The following SVEP1 variants were observed in gnomAD, a reference collection of about 807,000 sequenced individuals.
The protein encoded by SVEP1 is sushi, von Willebrand factor type A, EGF and pentraxin domain containing 1.
SVEP1 carries 164 observed loss-of-function variants against 367.3 expected under a neutral mutation model. The observed-to-expected ratio is 0.45, with a 90% CI of 0.39 to 0.51. The LOEUF (loss-of-function observed/expected upper bound fraction) is 0.51. Among genes scored for constraint, SVEP1 ranks in the 20% least tolerant of loss-of-function variants. The pLI, the probability that SVEP1 is intolerant of heterozygous loss-of-function variation, is 0.00. For missense variants in SVEP1, 4,117 were observed against 4,425.3 expected (o/e 0.93, Z 1.98); for synonymous variants, 1,666 against 1,611.6 (o/e 1.03, Z -0.81).
rs774039811 is a variant in SVEP1, at chr9:110,427,637, T to G, written c.5929A>C (p.Asn1977His). Reference protein sequence around the residue: ...PAIKDAVITGNNFTFRNTVTY... With the variant: ...PAIKDAVITGHNFTFRNTVTY... ...ACGGTGTTCCTGAAAGTGAAGTTAT[T>G]CCCCGTAATGACAGCATCTTTGATG... Residue 1977 changes from asparagine (N) to histidine (H), a missense_variant, in exon 36 of 48, where the codon AAT (asparagine) becomes CAT (histidine). This residue lies in a region of SVEP1 where 2,174 missense variants were observed against 2,494.3 expected (regional missense o/e 0.87). Transcript: ENST00000374469. The G allele has an allele frequency of 1.5e-5, 24 of 1,613,772 alleles. No homozygotes were observed. The highest frequency in any genetic ancestry group is 1.9e-5 in the Non-Finnish European group (23 of 1,179,854).
intron 36 of SVEP1, among the ~76,000 whole-genome samples, chr9:110,414,667 A>G (rs1479724957): frequency 6.6e-6 from 1 of 152,018 alleles, no homozygotes; most frequent in East Asian, 1.9e-4. Flanking sequence ...CAATGATTTG[A>G]TTGACACACT....
intron 1 of SVEP1, among the ~76,000 whole-genome samples, chr9:110,572,721 G>C (rs1047269121): frequency 6.9e-6 from 1 of 145,448 alleles, no homozygotes; most frequent in Non-Finnish European, 1.5e-5. Flanking sequence ...ATTTAGTCAG[G>C]TGTGACGCCG....
At chr9:110,383,868 G>A (rs1353017541) in intron 43 of SVEP1, among the ~76,000 whole-genome samples, 1 of 152,150 alleles carries the variant, frequency 6.6e-6, no homozygotes, top group Non-Finnish European at 1.5e-5. Flanking sequence ...CCAGCCTAAA[G>A]AGGCAGTCTG....
At chr9:110,499,324 T>C in intron 6 of SVEP1, 86 bp from the exon 7 acceptor site, 1 of 1,226,458 alleles carries the variant, frequency 8.2e-7, no homozygotes, top group Non-Finnish European at 1.1e-6. Context: ...AAAAATACAA[T>C]TATGCTGCCT....
At chr9:110,414,508 TTA>T (rs1828089397) in intron 36 of SVEP1, among the ~76,000 whole-genome samples, 1 of 152,026 alleles carries the variant, frequency 6.6e-6, no homozygotes, top group Non-Finnish European at 1.5e-5. Context: ...AGATCTGAAC[TTA>T]GCTTGGAATA....
intron 32 of SVEP1, among the ~76,000 whole-genome samples, chr9:110,430,906 T>C (rs1828341173): frequency 6.6e-6 from 1 of 152,136 alleles, no homozygotes; most frequent in South Asian, 2.1e-4. Context: ...GCTCTCCCTA[T>C]CTACAGATTC....
In SVEP1 at chr9:110,459,031, T is replaced by C; in HGVS notation, c.3405A>G (p.Ala1135=). The change falls in exon 19 of 48, where the codon GCA becomes GCG. Residue 1135 remains alanine, a synonymous_variant. Coordinates refer to ENST00000374469, the MANE Select transcript of SVEP1 (RefSeq NM_153366.4). The part of the protein sequence containing the change: ...PCPRDYYQPN[A]GKAFCLACPF... ...GACAGGCCAGGCAGAAGGCCTTCCCTGCATTAGGTTGGTAATAGTCACGAG... is the reference window on the plus strand; with the variant it reads ...GACAGGCCAGGCAGAAGGCCTTCCCCGCATTAGGTTGGTAATAGTCACGAG... 1 of 1,613,852 alleles carries C rather than the reference T, an allele frequency of 6.2e-7. No individual in the cohort carries two copies. Among genetic ancestry groups the C allele is most frequent in the South Asian group, 1.1e-5 (1 of 91,084 alleles).
At chr9:110,392,864 T>G (rs1827685806) in intron 40 of SVEP1, among the ~76,000 whole-genome samples, 1 of 152,226 alleles carries the variant, frequency 6.6e-6, no homozygotes, top group South Asian at 2.1e-4. Context: ...CCTTGTCCAG[T>G]GGCTTCTGAA....
At chr9:110,513,843 G>T in intron 4 of SVEP1, 105 bp downstream of exon 4, 1 of 1,312,412 alleles carries the variant, frequency 7.6e-7, no homozygotes, top group Non-Finnish European at 1.0e-6. Context: ...TTAGAGAAAA[G>T]AACATTAAAG....
At chr9:110,430,531 T>C (rs930946126) in intron 32 of SVEP1, 81 bp from the exon 33 acceptor site, 1 of 1,418,940 alleles carries the variant, frequency 7.0e-7, no homozygotes, top group Admixed American at 2.6e-5. Context: ...AATTCCACTA[T>C]AGTTAAGAAA....
chr9:110,459,975 G>A (rs1044547411), intron 18 of SVEP1, among the ~76,000 whole-genome samples: 1 of 151,744 alleles, frequency 6.6e-6, no homozygotes, highest in Non-Finnish European at 1.5e-5. Context: ...AATTATTTTT[G>A]CCAGTTTGTG....
chr9:110,534,236 G>T (rs922387049), intron 3 of SVEP1, among the ~76,000 whole-genome samples: 1 of 151,966 alleles, frequency 6.6e-6, no homozygotes, highest in Non-Finnish European at 1.5e-5. Context: ...TCTTCATGAC[G>T]TCTCATCATT....
intron 8 of SVEP1, among the ~76,000 whole-genome samples, chr9:110,494,694 CTTTT>C (rs1391837083): frequency 6.6e-6 from 1 of 152,088 alleles, no homozygotes; most frequent in Non-Finnish European, 1.5e-5. Context: ...TGAGTTCTTT[CTTTT>C]TATTCTTTCT....
At chr9:110,388,653 C>G (rs746539594) in intron 41 of SVEP1, among the ~76,000 whole-genome samples, 3 of 152,058 alleles carry the variant, frequency 2.0e-5, no homozygotes, top group Non-Finnish European at 4.4e-5. Context: ...CACTTTGAAA[C>G]CACATAGGGA....
intron 25 of SVEP1, 118 bp downstream of exon 25, chr9:110,446,782 A>C: frequency 1.2e-6 from 1 of 830,928 alleles, no homozygotes; most frequent in Non-Finnish European, 1.7e-6. Context: ...AAATGAGTAC[A>C]AAGTGCTTGG....
chr9:110,427,066 G>A (rs925642167), intron 36 of SVEP1, among the ~76,000 whole-genome samples: 2 of 152,050 alleles, frequency 1.3e-5, no homozygotes, highest in Non-Finnish European at 2.9e-5. Flanking sequence ...CTCAGGCTGA[G>A]GCAAGTGGAT....
chr9:110,388,825 CG>C (rs1476363627), intron 41 of SVEP1, among the ~76,000 whole-genome samples: 1 of 151,718 alleles, frequency 6.6e-6, no homozygotes, highest in Non-Finnish European at 1.5e-5. Context: ...AAAAATTACC[CG>C]GGCATGGTGG....
intron 2 of SVEP1, among the ~76,000 whole-genome samples, chr9:110,549,430 G>A (rs7035502): frequency 0.58 from 87,543 of 151,772 alleles, 26,196 homozygotes; most frequent in African/African-American, 0.75. Context: ...TATTGTTCCT[G>A]TATCTTCATG....
intron 1 of SVEP1, among the ~76,000 whole-genome samples, chr9:110,572,561 C>T (rs1830576726): frequency 6.6e-6 from 1 of 152,054 alleles, no homozygotes; most frequent in Admixed American, 6.5e-5. Flanking sequence ...TTCACTCTCT[C>T]TTCAAATTAA....
Sources: allele counts gnomAD v4.1 joint callset (sites outside exome capture counted in the v4.1 genomes callset), GRCh38; gene constraint gnomAD v4.1.1; regional missense constraint gnomAD v4.1.1; transcripts MANE v1.5; gene names NCBI Gene and HGNC (gene_info 2026-07-23, HGNC 2026-07-21).